Variants in RYR2 observed in about 807,000 individuals in gnomAD.
The protein encoded by RYR2 is cardiac muscle ryanodine receptor-calcium release channel.
Under a neutral mutation model 601.1 loss-of-function variants are expected in RYR2, and 227 were observed. That is an observed-to-expected ratio of 0.38 (90% CI 0.34 to 0.42). The LOEUF (loss-of-function observed/expected upper bound fraction) is 0.42, where lower values mean the gene tolerates loss of function less well. RYR2 is among the 10% of genes least tolerant of loss of function. The probability of loss-of-function intolerance (pLI) is 1.00; values close to 1 mark genes in which losing one functional copy is unlikely to be tolerated. For missense variants in RYR2, 4,646 were observed against 6,156.5 expected, an observed-to-expected ratio of 0.75 and a Z score of 8.21; for synonymous variants, 2,223 against 2,175.1, an observed-to-expected ratio of 1.02 and a Z score of -0.61.
chr1:237,377,445 G>T lies in RYR2; in HGVS notation c.576+10G>T. 1 of 1,591,520 alleles carries T rather than the reference G, an allele frequency of 6.3e-7. No homozygotes were observed. Among genetic ancestry groups the T allele is most frequent in the Non-Finnish European group, 8.6e-7 (1 of 1,159,690 alleles). ...CTCTGAAAGGTACTTGGTAAGTGTG[G>T]AAAGTAGGATCATGTATCTGCTGAT... On this transcript the variant is annotated intron_variant, in intron 8 of 104. Transcript: ENST00000366574.
intron 98 of RYR2, among the ~76,000 whole-genome samples, chr1:237,803,585 C>G (rs377383210): frequency 3.3e-5 from 5 of 152,150 alleles, no homozygotes; most frequent in African/African-American, 1.2e-4. Context: ...CAAGCGTGAG[C>G]CACCACGCCC....
intron 3 of RYR2, chr1:237,333,705 T>C (rs1342547781): frequency 4.4e-6 from 2 of 454,554 alleles, no homozygotes; most frequent in Non-Finnish European, 8.8e-6. Context: ...TCATCTTTTC[T>C]AGTGCCTTAT....
chr1:237,627,283 A>G (rs1559135432), intron 40 of RYR2, among the ~76,000 whole-genome samples: 2 of 152,250 alleles, frequency 1.3e-5, no homozygotes, highest in Non-Finnish European at 2.9e-5. Context: ...CCTTTTGAAG[A>G]CATTTTAAAT....
intron 14 of RYR2, among the ~76,000 whole-genome samples, chr1:237,448,760 C>T (rs10925419): frequency 6.6e-6 from 1 of 152,174 alleles, no homozygotes; most frequent in Admixed American, 6.5e-5. Flanking sequence ...ATATTCTTTT[C>T]TATGACATGT....
intron 1 of RYR2, among the ~76,000 whole-genome samples, chr1:237,245,552 A>G (rs1244006017): frequency 6.6e-6 from 1 of 152,164 alleles, no homozygotes; most frequent in African/African-American, 2.4e-5. Flanking sequence ...TCCTCCCCAC[A>G]TTTAGACTGT....
chr1:237,833,213 GTTTTT>G lies in RYR2; in HGVS notation c.*574_*578del, dbSNP rs113047070. 1 of 139,724 alleles carries G rather than the reference GTTTTT, an allele frequency of 7.2e-6. No individual in the cohort carries two copies. The highest frequency in any genetic ancestry group is 2.3e-4 in the South Asian group (1 of 4,310). The allele number at this position is 139,724 out of a possible 1,614,324, so 8.7% of individuals were successfully genotyped here. A position where few individuals can be genotyped will look rare whatever the true frequency, so the allele number is the denominator to read the frequency against. ...TCTTTTCTTAGATTGATTTTGTGAG[GTTTTT>G]TTTTTTTCCTTTAGTCTTTTCTTTA... On this transcript the variant is annotated 3_prime_UTR_variant, in exon 105 of 105. Transcript: ENST00000366574.
At chr1:237,580,198 C>T (rs1333715065) in intron 29 of RYR2, among the ~76,000 whole-genome samples, 4 of 146,660 alleles carry the variant, frequency 2.7e-5, no homozygotes, top group Admixed American at 6.9e-5. Flanking sequence ...TCTCGTTGCC[C>T]AGGCTTGAGT....
chr1:237,399,678 C>T (rs1005444085), intron 10 of RYR2, among the ~76,000 whole-genome samples: 7 of 152,248 alleles, frequency 4.6e-5, no homozygotes, highest in East Asian at 1.9e-4. Flanking sequence ...CTGTGTCACT[C>T]CCCCATGGGC....
intron 29 of RYR2, among the ~76,000 whole-genome samples, chr1:237,588,892 GA>G (rs5781973): frequency 2.9e-5 from 4 of 140,150 alleles, no homozygotes; most frequent in Admixed American, 2.1e-4. Flanking sequence ...ATCCCCTTGT[GA>G]AAAAAAAAAT....
chr1:237,296,686 G>A (rs551222518), intron 2 of RYR2, among the ~76,000 whole-genome samples: 1 of 152,096 alleles, frequency 6.6e-6, no homozygotes, highest in African/African-American at 2.4e-5. Context: ...GAGTCATTGG[G>A]TTATATTATG....
At chr1:237,313,590 TA>T (rs1182244641) in intron 2 of RYR2, among the ~76,000 whole-genome samples, 1 of 152,188 alleles carries the variant, frequency 6.6e-6, no homozygotes, top group Non-Finnish European at 1.5e-5. Flanking sequence ...ATCTTGATCA[TA>T]TTTTTACTTT....
At chr1:237,496,779 G>A (rs1246885828) in intron 20 of RYR2, 27 bp downstream of exon 20, 8 of 1,587,642 alleles carry the variant, frequency 5.0e-6, no homozygotes, top group African/African-American at 1.3e-5. Context: ...TTCTTTCACC[G>A]TGTTCCAGAA....
rs548069785 is a variant in RYR2 at position 237,761,594 on chromosome 1, C to T, written c.11476+566C>T. On this transcript the variant is annotated intron_variant, in intron 84 of 104. Transcript: ENST00000366574. ...TTCTGTGCACAAAAGCAGAGATACA[C>T]GTGATCTTAGAATTTTTCTCTCTCT... Among the ~76,000 whole-genome samples, 42 of 152,266 alleles carry T rather than the reference C, an allele frequency of 2.8e-4. 1 individual carries two copies. Among genetic ancestry groups the T allele is most frequent in the African/African-American group, 1.0e-3 (42 of 41,550 alleles).
chr1:237,341,633 T>G (rs760209125), intron 3 of RYR2: 2 of 516,674 alleles, frequency 3.9e-6, no homozygotes, highest in Non-Finnish European at 7.7e-6. Context: ...ACAATGCATG[T>G]TATGTACTAG....
At chr1:237,659,749 G>A (rs967082752) in intron 54 of RYR2, among the ~76,000 whole-genome samples, 1 of 152,118 alleles carries the variant, frequency 6.6e-6, no homozygotes, top group Non-Finnish European at 1.5e-5. Context: ...AATACATCAT[G>A]CAATATGTCC....
At position 237,106,783 on chromosome 1, in the gene RYR2, A is replaced by C. The variant is rs1572653402; in HGVS notation, c.48+64214A>C. ...ACAGTTCTGGATGCTGGGAAGCCCA[A>C]GATCAGAGTGCCAGCAATTTGGTGT... On this transcript the variant is annotated intron_variant, in intron 1 of 104. Coordinates refer to ENST00000366574, the MANE Select transcript of RYR2 (RefSeq NM_001035.3). This position sits in a 1 kb window ranked among gnomAD's most constrained non-coding sequence, Gnocchi z 4.4. 6.6e-6 allele frequency among the ~76,000 whole-genome samples: 1 copy of C among 152,324 alleles called. No individual in the cohort carries two copies. The highest frequency in any genetic ancestry group is 1.9e-4 in the East Asian group (1 of 5,174).
intron 56 of RYR2, 88 bp downstream of exon 56, chr1:237,661,035 T>A (rs1683739518): frequency 1.0e-5 from 12 of 1,185,134 alleles, no homozygotes; most frequent in Non-Finnish European, 1.2e-5. Flanking sequence ...TTCTAAAGAA[T>A]AATCTGAAAA....
At chr1:237,073,530 C>A (rs1402163774) in intron 1 of RYR2, among the ~76,000 whole-genome samples, 1 of 152,026 alleles carries the variant, frequency 6.6e-6, no homozygotes, top group East Asian at 1.9e-4. Context: ...AGATGCATAC[C>A]AGATTTCAAA....
At chr1:237,042,606 G>C (rs77780919) in intron 1 of RYR2, 37 bp downstream of exon 1, 3 of 1,252,270 alleles carry the variant, frequency 2.4e-6, no homozygotes, top group East Asian at 6.3e-5. Context: ...TCAGGGGAAG[G>C]GGGCGTCAGG....
Sources: gnomAD v4.1 joint callset for allele counts (sites outside exome capture counted in the v4.1 genomes callset) on GRCh38, gnomAD v4.1.1 for gene constraint, Gnocchi (gnomAD v3.1) non-coding constraint, MANE v1.5 for transcripts, NCBI Gene and HGNC (gene_info 2026-07-23, HGNC 2026-07-21) for gene names.